Variants in CDH12 observed in about 807,000 individuals in gnomAD.
CDH12 encodes cadherin-12.
In CDH12, 41 loss-of-function variants were observed where a neutral mutation model predicts 74.1. The observed-to-expected ratio is 0.55, with a 90% CI of 0.43 to 0.72. CDH12 has a LOEUF of 0.72. CDH12 is among the 30% of genes least tolerant of loss of function. The pLI is 0.00. For missense variants in CDH12, 945 were observed against 977.2 expected, an observed-to-expected ratio of 0.97 and a Z score of 0.44; for synonymous variants, 399 against 355.0, an observed-to-expected ratio of 1.12 and a Z score of -1.39.
chr5:22,095,851 G>A (rs894167216), intron 4 of CDH12, among the ~76,000 whole-genome samples: 28 of 150,186 alleles, frequency 1.9e-4, no homozygotes, highest in African/African-American at 6.9e-4. Context: ...TCTGCGCCCC[G>A]ATCCCTTATT....
At chr5:21,863,249 G>GTC (rs1466167372) in intron 6 of CDH12, among the ~76,000 whole-genome samples, 6 of 151,952 alleles carry the variant, frequency 3.9e-5, no homozygotes, top group Non-Finnish European at 5.9e-5. Flanking sequence ...TCATGCCTCT[G>GTC]CGGTCTTGAA....
chr5:22,797,184 A>T (rs1164186634), intron 1 of CDH12, among the ~76,000 whole-genome samples: 3 of 47,390 alleles, frequency 6.3e-5, no homozygotes, highest in Admixed American at 3.3e-4. Flanking sequence ...GTGCCTTTAT[A>T]AAAAAAAAAA....
chr5:22,046,430 C>CTTTTTTTTTTTTTTT (rs11323330), intron 5 of CDH12, among the ~76,000 whole-genome samples: 11 of 100,422 alleles, frequency 1.1e-4, no homozygotes, highest in African/African-American at 4.3e-4. Context: ...CATTTAATTT[C>CTTTTTTTTTTTTTTT]TTTTTTTTTT....
intron 3 of CDH12, among the ~76,000 whole-genome samples, chr5:22,244,854 T>A (rs1752891679): frequency 6.6e-6 from 1 of 151,864 alleles, no homozygotes; most frequent in Non-Finnish European, 1.5e-5. Flanking sequence ...AGAGGTTGTG[T>A]GCTAATTTAT....
intron 3 of CDH12, among the ~76,000 whole-genome samples, chr5:22,341,151 T>C (rs1188229703): frequency 6.6e-6 from 1 of 152,198 alleles, no homozygotes; most frequent in Non-Finnish European, 1.5e-5. Context: ...TTATCAGGAA[T>C]CCTGGTGTCT....
In CDH12 at chr5:22,605,669, G is replaced by A. The variant is rs1455543542; in HGVS notation, c.-522-100305C>T. 3.3e-5 allele frequency among the ~76,000 whole-genome samples: 5 copies of A among 152,246 alleles called. No individual in the cohort carries two copies. The East Asian group carries it at 9.6e-4, about 29-fold the overall frequency. On this transcript the variant is annotated intron_variant, in intron 1 of 14. Coordinates refer to ENST00000382254, the MANE Select transcript of CDH12 (RefSeq NM_004061.5). ...TGGGCACATGGAGGGCACACCGACA[G>A]CTTGTCCCTTATTCCCCACAGGCCT...
At chr5:22,219,955 T>A (rs1370458516) in intron 3 of CDH12, among the ~76,000 whole-genome samples, 1 of 151,762 alleles carries the variant, frequency 6.6e-6, no homozygotes, top group Non-Finnish European at 1.5e-5. Flanking sequence ...ATGAACAACA[T>A]ATAAACTATG....
intron 6 of CDH12, among the ~76,000 whole-genome samples, chr5:21,918,458 T>C (rs1754201457): frequency 6.6e-6 from 1 of 152,024 alleles, no homozygotes; most frequent in Admixed American, 6.6e-5. Flanking sequence ...GGGTAATTTA[T>C]AAAGGAAAAA....
intron 3 of CDH12, among the ~76,000 whole-genome samples, chr5:22,248,842 T>A (rs1201383319): frequency 6.6e-6 from 1 of 152,032 alleles, no homozygotes; most frequent in Non-Finnish European, 1.5e-5. Flanking sequence ...TATTCTAAAA[T>A]ATAATATTTT....
At chr5:22,137,942 T>G (rs1746554959) in intron 4 of CDH12, among the ~76,000 whole-genome samples, 1 of 152,144 alleles carries the variant, frequency 6.6e-6, no homozygotes, top group South Asian at 2.1e-4. Flanking sequence ...ATCAGCAATT[T>G]GTTGAAACAA....
At chr5:22,335,596 A>C (rs1378327292) in intron 3 of CDH12, among the ~76,000 whole-genome samples, 2 of 151,868 alleles carry the variant, frequency 1.3e-5, no homozygotes, top group Non-Finnish European at 2.9e-5. Flanking sequence ...AAAGAAAAAA[A>C]AAAACAAAAA....
intron 4 of CDH12, chr5:22,139,363 C>A (rs1307637693): frequency 7.8e-6 from 1 of 127,744 alleles, no homozygotes; most frequent in Non-Finnish European, 1.7e-5. Context: ...GAAGCATGTG[C>A]GCTGGCAGAG....
At chr5:22,403,652 A>C (rs1742822430) in intron 3 of CDH12, among the ~76,000 whole-genome samples, 1 of 152,192 alleles carries the variant, frequency 6.6e-6, no homozygotes, top group Non-Finnish European at 1.5e-5. Flanking sequence ...AAATGGTACT[A>C]CCTTAATAGA....
chr5:22,784,733 T>A (rs578152015), intron 1 of CDH12, among the ~76,000 whole-genome samples: 2 of 152,154 alleles, frequency 1.3e-5, no homozygotes, highest in Non-Finnish European at 2.9e-5. Context: ...AAAGAGTATG[T>A]TTTCTATCCC....
chr5:22,687,750 C>T (rs1323063703), intron 1 of CDH12, among the ~76,000 whole-genome samples: 2 of 152,092 alleles, frequency 1.3e-5, no homozygotes, highest in Non-Finnish European at 2.9e-5. Context: ...GCTTTATAAT[C>T]CTGTGTTATC....
intron 1 of CDH12, among the ~76,000 whole-genome samples, chr5:22,505,725 G>T (rs144023141): frequency 6.6e-6 from 1 of 152,040 alleles, no homozygotes; most frequent in East Asian, 1.9e-4. Context: ...TGTCCCCTTG[G>T]CCTCCTCATG....
chr5:21,776,742 C>T (rs1204298045), intron 11 of CDH12, among the ~76,000 whole-genome samples: 1 of 152,212 alleles, frequency 6.6e-6, no homozygotes, highest in Non-Finnish European at 1.5e-5. Flanking sequence ...TTCCTTCCCA[C>T]ACCCTGCCCT....
At chr5:22,256,091 G>C (rs768934650) in intron 3 of CDH12, among the ~76,000 whole-genome samples, 2 of 152,042 alleles carry the variant, frequency 1.3e-5, no homozygotes, top group African/African-American at 4.8e-5. Context: ...ATGCATATTT[G>C]CTAAACAGTT....
chr5:22,702,882 A>G (rs866986959), intron 1 of CDH12, among the ~76,000 whole-genome samples: 1 of 151,980 alleles, frequency 6.6e-6, no homozygotes, highest in Non-Finnish European at 1.5e-5. Context: ...AAACCTTACC[A>G]CTTTTTACAA....
Sources: gnomAD v4.1 joint callset for allele counts (sites outside exome capture counted in the v4.1 genomes callset) on GRCh38, gnomAD v4.1.1 for gene constraint, MANE v1.5 for transcripts, NCBI Gene and HGNC (gene_info 2026-07-23, HGNC 2026-07-21) for gene names.